Variants in EZH2 observed in about 807,000 individuals in gnomAD.
The protein encoded by EZH2 is histone-lysine N-methyltransferase EZH2.
Under a neutral mutation model 98.4 loss-of-function variants are expected in EZH2, and 18 were observed. That is an observed-to-expected ratio of 0.18 (90% CI 0.13 to 0.27). The LOEUF (loss-of-function observed/expected upper bound fraction) is 0.27. EZH2 is among the 10% of genes least tolerant of loss of function. The pLI is 1.00. For missense variants in EZH2, 470 were observed against 935.1 expected (o/e 0.50, Z 6.49); for synonymous variants, 338 against 312.3 (o/e 1.08, Z -0.87).
At chr7:148,876,118 C>G (rs1820129425) in intron 1 of EZH2, 1 of 152,204 alleles carries the variant, frequency 6.6e-6, no homozygotes, top group African/African-American at 2.4e-5. Flanking sequence ...GAGCTGAGAT[C>G]TCGCCTAAAA....
In EZH2 at chr7:148,814,963, A is replaced by G; in HGVS notation, c.1623T>C (p.Cys541=). ...PRQPCDSSCP[C]VIAQNFCEKF... ...TTTCACAAAAATTTTGTGCTATCAC[A>G]CAAGGGCACGAACTGTCACAAGGCT... Residue 541 remains cysteine, a synonymous_variant, in exon 14 of 20, where the codon TGT becomes TGC. Coordinates refer to ENST00000320356, the MANE Select transcript of EZH2 (RefSeq NM_004456.5). 6.2e-7 allele frequency: 1 copy of G among 1,613,846 alleles called. No individual in the cohort carries two copies. Among genetic ancestry groups the G allele is most frequent in the Non-Finnish European group, 8.5e-7 (1 of 1,180,016 alleles).
chr7:148,840,916 T>G (rs1245025869), intron 3 of EZH2, among the ~76,000 whole-genome samples: 2 of 152,180 alleles, frequency 1.3e-5, no homozygotes, highest in Admixed American at 6.5e-5. Context: ...TATTTTTAAA[T>G]AGTTGTCAGA....
At chr7:148,872,611 T>C (rs1170728691) in intron 1 of EZH2, among the ~76,000 whole-genome samples, 1 of 152,210 alleles carries the variant, frequency 6.6e-6, no homozygotes, top group African/African-American at 2.4e-5. Context: ...TAGGAACTCA[T>C]GTATCTACAA....
intron 1 of EZH2, among the ~76,000 whole-genome samples, chr7:148,867,033 T>C (rs906427027): frequency 4.0e-5 from 6 of 149,504 alleles, no homozygotes; most frequent in African/African-American, 1.5e-4. Context: ...TCTTTATAAA[T>C]TACCCAGTCT....
At chr7:148,877,697 A>T (rs991007197) in intron 1 of EZH2, among the ~76,000 whole-genome samples, 2 of 152,296 alleles carry the variant, frequency 1.3e-5, no homozygotes, top group African/African-American at 4.8e-5. Context: ...CCCCTCTCAA[A>T]TGCATACTAT....
rs1260470042 is a variant in EZH2, at chr7:148,846,582, T to C, written c.134A>G (p.Asn45Ser). 2.5e-6 allele frequency: 4 copies of C among 1,599,554 alleles called. No individual in the cohort carries two copies. The highest frequency in any genetic ancestry group is 3.4e-6 in the Non-Finnish European group (4 of 1,176,838). ...ADEVKSMFSS[N>S]RQKILERTEI... ...CGTTCTTTCCAAAATTTTCTGACGA[T>C]TGGAACTAAACATACTCTTAAAAAA... is the stretch of plus-strand genomic sequence containing the variant. Residue 45 changes from asparagine to serine, a missense_variant, in exon 3 of 20, where the codon AAT becomes AGT. Coordinates refer to ENST00000320356, the MANE Select transcript of EZH2 (RefSeq NM_004456.5).
At chr7:148,838,467 G>T (rs958580047) in intron 3 of EZH2, among the ~76,000 whole-genome samples, 3 of 152,118 alleles carry the variant, frequency 2.0e-5, no homozygotes, top group African/African-American at 7.2e-5. Context: ...CTAAGTACTG[G>T]AGATCAGAAA....
At chr7:148,866,065 A>C (rs1222821810) in intron 1 of EZH2, among the ~76,000 whole-genome samples, 2 of 152,182 alleles carry the variant, frequency 1.3e-5, no homozygotes, top group African/African-American at 4.8e-5. Context: ...GAACAGTAGT[A>C]GTTTAGGGAA....
intron 1 of EZH2, among the ~76,000 whole-genome samples, chr7:148,879,718 A>G (rs1052816763): frequency 3.3e-5 from 5 of 152,028 alleles, no homozygotes; most frequent in Non-Finnish European, 5.9e-5. Context: ...TAATAAATAA[A>G]TAAATTAGCC....
intron 14 of EZH2, 98 bp from the exon 15 acceptor site, chr7:148,814,235 T>C (rs1803941351): frequency 1.6e-5 from 17 of 1,088,602 alleles, no homozygotes; most frequent in South Asian, 3.0e-5. Flanking sequence ...TCACTGACTC[T>C]CAACCCTCAC....
At chr7:148,819,760 G>A (rs1748644549) in intron 8 of EZH2, 73 bp from the exon 9 acceptor site, 2 of 1,333,294 alleles carry the variant, frequency 1.5e-6, no homozygotes, top group African/African-American at 1.5e-5. Context: ...CAGTTCCACT[G>A]GAAAAGTCAA....
intron 19 of EZH2, among the ~76,000 whole-genome samples, chr7:148,808,049 C>G (rs1377260551): frequency 6.6e-6 from 1 of 152,154 alleles, no homozygotes; most frequent in Non-Finnish European, 1.5e-5. Context: ...AGGCCTGACG[C>G]TGGGAAGGCA....
intron 1 of EZH2, among the ~76,000 whole-genome samples, chr7:148,851,033 T>C (rs1254778711): frequency 2.0e-5 from 3 of 152,220 alleles, no homozygotes; most frequent in East Asian, 1.9e-4. Context: ...AAATTGTAGA[T>C]TGGGGGTGGG....
intron 14 of EZH2, 41 bp from the exon 15 acceptor site, chr7:148,814,178 T>C (rs966780200): frequency 6.3e-7 from 1 of 1,587,094 alleles, no homozygotes; most frequent in African/African-American, 1.3e-5. Flanking sequence ...CATCACCGTA[T>C]GCAAAAACTT....
intron 1 of EZH2, among the ~76,000 whole-genome samples, chr7:148,879,101 C>T (rs7795158): frequency 0.19 from 26,785 of 144,416 alleles, 2,564 homozygotes; most frequent in East Asian, 0.28. Flanking sequence ...GGTGCGTTCC[C>T]GTAATCCCAG....
chr7:148,860,133 AATTTGTAAATC>A lies in EZH2; in HGVS notation c.-7-12839_-7-12829del, dbSNP rs774304327. Among the ~76,000 whole-genome samples the A allele has an allele frequency of 1.1e-3, 170 of 152,310 alleles. 1 individual carries two copies. The highest frequency in any genetic ancestry group is 8.4e-4 in the Non-Finnish European group (57 of 68,010). On this transcript the variant is annotated intron_variant, in intron 1 of 19. Transcript: ENST00000320356. ...ACAGCTAATTTGATGGTCTATATTTAATTTGTAAATCTGCTCTGGTTTTATCATAAGGAACT... is the reference window on the plus strand; with the variant it reads ...ACAGCTAATTTGATGGTCTATATTTATGCTCTGGTTTTATCATAAGGAACT...
chr7:148,864,232 T>C (rs10249392), intron 1 of EZH2, among the ~76,000 whole-genome samples: 25,256 of 152,192 alleles, frequency 0.17, 2,216 homozygotes, highest in East Asian at 0.25. Flanking sequence ...CTGAAGTCCA[T>C]AGACCAGCAT....
At chr7:148,858,641 C>T (rs1362266131) in intron 1 of EZH2, among the ~76,000 whole-genome samples, 1 of 152,162 alleles carries the variant, frequency 6.6e-6, no homozygotes, top group Non-Finnish European at 1.5e-5. Flanking sequence ...CTTTCTGCCT[C>T]AGCCTCTCGA....
intron 3 of EZH2, among the ~76,000 whole-genome samples, chr7:148,835,864 T>C (rs1010978821): frequency 3.3e-5 from 5 of 152,224 alleles, no homozygotes; most frequent in Admixed American, 2.6e-4. Flanking sequence ...GCTTCATCTA[T>C]GGTTGCTCTA....
Sources: gnomAD v4.1 joint callset for allele counts (sites outside exome capture counted in the v4.1 genomes callset) on GRCh38, gnomAD v4.1.1 for gene constraint, MANE v1.5 for transcripts, NCBI Gene and HGNC (gene_info 2026-07-23, HGNC 2026-07-21) for gene names.